The following ERCC6L2 variants were observed in gnomAD, a reference collection of about 807,000 sequenced individuals.
The protein encoded by ERCC6L2 is DNA excision repair protein ERCC-6-like 2.
Under a neutral mutation model 132.0 loss-of-function variants are expected in ERCC6L2, and 77 were observed. The ratio of observed to expected loss-of-function variants is 0.58; its 90% CI spans 0.49 to 0.71. The LOEUF (loss-of-function observed/expected upper bound fraction) is 0.71, where lower values mean the gene tolerates loss of function less well. ERCC6L2 is among the 30% of genes least tolerant of loss of function. The pLI is 0.00. For missense variants in ERCC6L2, 1,542 were observed against 1,837.6 expected, an observed-to-expected ratio of 0.84 and a Z score of 2.94; for synonymous variants, 583 against 632.4, an observed-to-expected ratio of 0.92 and a Z score of 1.17.
intron 3 of ERCC6L2, chr9:95,904,862 C>T (rs551659565): frequency 6.6e-6 from 1 of 152,212 alleles, no homozygotes; most frequent in South Asian, 2.1e-4. Context: ...TCAGTATTCT[C>T]TAGTTGCATT....
At chr9:95,968,702 C>G (rs1832276587) in intron 14 of ERCC6L2, 1 of 152,042 alleles carries the variant, frequency 6.6e-6, no homozygotes. Flanking sequence ...TTTCCATTAT[C>G]TATATTATGG....
chr9:95,939,856 A>G (rs1048042118), intron 11 of ERCC6L2, among the ~76,000 whole-genome samples: 2 of 152,038 alleles, frequency 1.3e-5, no homozygotes, highest in African/African-American at 4.8e-5. Flanking sequence ...TTTTTATTGT[A>G]TCATTGTGTC....
rs1466417050 is a variant in ERCC6L2 at position 95,923,290 on chromosome 9, G to T, written c.1444G>T (p.Val482Leu). 6.2e-7 allele frequency: 1 copy of T among 1,613,582 alleles called. No homozygotes were observed. The highest frequency in any genetic ancestry group is 2.2e-5 in the East Asian group (1 of 44,854). ...ETLIKRICDQVFSRFPDFVQK... is the reference protein window; with the variant it reads ...ETLIKRICDQLFSRFPDFVQK... ...ACTTATCAAAAGGATATGTGATCAG[G>T]TATTTTCCAGATTCCCAGATTTTGT... is the stretch of plus-strand genomic sequence containing the variant. The change falls in exon 9 of 19, where the codon GTA becomes TTA. Residue 482 changes from valine (V) to leucine (L), a missense_variant. Transcript: ENST00000653738.
At chr9:95,970,921 A>G (rs1832383697) in intron 15 of ERCC6L2, among the ~76,000 whole-genome samples, 1 of 152,194 alleles carries the variant, frequency 6.6e-6, no homozygotes, top group Admixed American at 6.5e-5. Context: ...TACCACCTAG[A>G]TAACTAACCC....
chr9:95,937,632 AT>A (rs1238504505), intron 11 of ERCC6L2, among the ~76,000 whole-genome samples: 2 of 151,972 alleles, frequency 1.3e-5, no homozygotes, highest in African/African-American at 4.8e-5. Flanking sequence ...TGACCATAAA[AT>A]TTTTTATAGT....
chr9:95,918,244 G>A, intron 6 of ERCC6L2: 1 of 441,974 alleles, frequency 2.3e-6, no homozygotes, highest in South Asian at 1.9e-5. Context: ...CACCATTGCA[G>A]GTCTGGCTGG....
Position 96,013,208 on chromosome 9 carries a change from A to G in ERCC6L2, c.*5A>G, listed in dbSNP as rs371671823. 2 of 1,345,202 alleles carry G rather than the reference A, an allele frequency of 1.5e-6. No homozygotes were observed. The highest frequency in any genetic ancestry group is 4.6e-5 in the East Asian group (1 of 21,854). The allele number at this position is 1,345,202 out of a possible 1,614,324, so 83.3% of individuals were successfully genotyped here. A position where few individuals can be genotyped will look rare whatever the true frequency, so the allele number is the denominator to read the frequency against. On this transcript the variant is annotated 3_prime_UTR_variant, in exon 19 of 19. Transcript: ENST00000653738. ...AATACACAGAGTACCACATAAGCAT[A>G]TAAATGAATTACTGCACCAGTAAAC...
At chr9:95,992,950 G>A (rs1435332779) in intron 17 of ERCC6L2, among the ~76,000 whole-genome samples, 1 of 152,158 alleles carries the variant, frequency 6.6e-6, no homozygotes, top group Non-Finnish European at 1.5e-5. Flanking sequence ...AGATCTTCAG[G>A]TAGTCTTTAT....
intron 12 of ERCC6L2, among the ~76,000 whole-genome samples, chr9:95,948,568 C>T (rs935016262): frequency 1.3e-5 from 2 of 151,998 alleles, no homozygotes; most frequent in Admixed American, 1.3e-4. Context: ...ATCGTTTGAA[C>T]CCGGGAGGTG....
intron 19 of ERCC6L2, among the ~76,000 whole-genome samples, chr9:96,038,139 G>A (rs2133274413): frequency 6.6e-6 from 1 of 152,124 alleles, no homozygotes; most frequent in South Asian, 2.1e-4. Flanking sequence ...GTGTGGAGGA[G>A]GGATGTTGGG....
intron 2 of ERCC6L2, among the ~76,000 whole-genome samples, chr9:95,896,422 A>ATTTTTTTTTTTTTTTTTTT (rs796966508): frequency 1.6e-5 from 1 of 63,276 alleles, no homozygotes; most frequent in African/African-American, 4.5e-5. Flanking sequence ...TTTTTTTTTG[A>ATTTTTTTTTTTTTTTTTTT]TTTTTTTTTT....
At chr9:95,913,261 A>G (rs2132692381) in intron 4 of ERCC6L2, among the ~76,000 whole-genome samples, 1 of 152,322 alleles carries the variant, frequency 6.6e-6, no homozygotes, top group South Asian at 2.1e-4. Flanking sequence ...CTACACATTA[A>G]TTACCGGTAT....
chr9:95,890,653 GC>G (rs1334001087), intron 2 of ERCC6L2, among the ~76,000 whole-genome samples: 1 of 152,112 alleles, frequency 6.6e-6, no homozygotes, highest in Non-Finnish European at 1.5e-5. Context: ...AAGGAATGAT[GC>G]CAGAAAAATA....
intron 3 of ERCC6L2, among the ~76,000 whole-genome samples, chr9:95,903,115 A>G (rs939691060): frequency 6.6e-6 from 1 of 151,964 alleles, no homozygotes; most frequent in Non-Finnish European, 1.5e-5. Context: ...ATACCTTTAT[A>G]TCTTTGTTTC....
chr9:96,003,782 G>C (rs1049257433), intron 17 of ERCC6L2, among the ~76,000 whole-genome samples: 1 of 152,158 alleles, frequency 6.6e-6, no homozygotes, highest in Non-Finnish European at 1.5e-5. Flanking sequence ...GAGCTCCAGT[G>C]TAATTTTGTT....
At chr9:95,892,232 T>G (rs1016511804) in intron 2 of ERCC6L2, among the ~76,000 whole-genome samples, 7 of 152,118 alleles carry the variant, frequency 4.6e-5, no homozygotes, top group Non-Finnish European at 1.0e-4. Context: ...ATTAATAAAT[T>G]ACTGCATACT....
At position 95,910,174 on chromosome 9, in the gene ERCC6L2, A is replaced by G. The variant is rs1829275820; in HGVS notation, c.788+2903A>G. ...CAGTATCTGAGAGAGGAGAGTTGAAATCTTCAGTTGTAATTGTAGATATGT... is the reference window on the plus strand; with the variant it reads ...CAGTATCTGAGAGAGGAGAGTTGAAGTCTTCAGTTGTAATTGTAGATATGT... On this transcript the variant is annotated intron_variant, in intron 4 of 18. Transcript: ENST00000653738. 2.0e-5 allele frequency among the ~76,000 whole-genome samples: 3 copies of G among 152,130 alleles called. No homozygotes were observed. In the South Asian group the frequency reaches 6.2e-4, roughly 32 times the overall value.
At chr9:96,028,886 A>G (rs1478948386) in intron 19 of ERCC6L2, among the ~76,000 whole-genome samples, 2 of 152,232 alleles carry the variant, frequency 1.3e-5, no homozygotes, top group Admixed American at 1.3e-4. Flanking sequence ...AAAATAAACT[A>G]TCTTCAACCT....
intron 6 of ERCC6L2, among the ~76,000 whole-genome samples, chr9:95,916,756 C>G (rs149488400): frequency 1.3e-5 from 2 of 150,474 alleles, no homozygotes; most frequent in Non-Finnish European, 2.9e-5. Context: ...GATCTTGGCT[C>G]ACTGCAACCT....
Sources: allele counts gnomAD v4.1 joint callset (sites outside exome capture counted in the v4.1 genomes callset), GRCh38; gene constraint gnomAD v4.1.1; transcripts MANE v1.5; gene names NCBI Gene and HGNC (gene_info 2026-07-23, HGNC 2026-07-21).